The following ZNF385D variants were observed in gnomAD, a reference collection of about 807,000 sequenced individuals.
The protein encoded by ZNF385D is zinc finger protein 659.
Under a neutral mutation model 35.8 loss-of-function variants are expected in ZNF385D, and 15 were observed. That is an observed-to-expected ratio of 0.42 (90% CI 0.28 to 0.64). The LOEUF (loss-of-function observed/expected upper bound fraction) is 0.64, where lower values mean the gene tolerates loss of function less well. Ranked by LOEUF, ZNF385D falls within the 30% of genes least tolerant of loss-of-function variation. The pLI is 0.23. For missense variants in ZNF385D, 474 were observed against 494.6 expected (o/e 0.96, Z 0.39); for synonymous variants, 212 against 186.8 (o/e 1.13, Z -1.10).
chr3:22,270,616 T>G (rs1045930709), intron 2 of ZNF385D, among the ~76,000 whole-genome samples: 1 of 151,974 alleles, frequency 6.6e-6, no homozygotes, highest in Non-Finnish European at 1.5e-5. Context: ...GTTGCTATGT[T>G]GTAAGAAAGC....
At chr3:21,855,891 G>C (rs567075501) in intron 3 of ZNF385D, among the ~76,000 whole-genome samples, 1 of 151,782 alleles carries the variant, frequency 6.6e-6, no homozygotes, top group South Asian at 2.1e-4. Context: ...TTTACATCTT[G>C]CTGAGGTTTT....
At chr3:21,622,649 G>A (rs1353860520) in intron 2 of ZNF385D, among the ~76,000 whole-genome samples, 1 of 152,030 alleles carries the variant, frequency 6.6e-6, no homozygotes, top group East Asian at 1.9e-4. Flanking sequence ...CTAATTCTCT[G>A]TATTGAATTC....
Position 21,951,040 on chromosome 3 carries a change from G to A in ZNF385D, c.325+217777C>T, listed in dbSNP as rs541530941. Among the ~76,000 whole-genome samples the A allele has an allele frequency of 8.6e-5, 13 of 151,658 alleles. 1 individual carries two copies. In the East Asian group the frequency reaches 2.5e-3, roughly 29 times the overall value. On this transcript the variant is annotated intron_variant, in intron 3 of 5. Transcript: ENST00000494108. ...TCTTGCCTATATGGGCTCTTTTTTG[G>A]TTCTCATTAAACTTAAAGTAGTTTT...
Position 21,982,708 on chromosome 3 carries a change from T to C in ZNF385D, c.325+186109A>G, listed in dbSNP as rs114544817. Among the ~76,000 whole-genome samples the C allele has an allele frequency of 5.1e-3, 774 of 152,272 alleles. 5 individuals are homozygous for C. The highest frequency in any genetic ancestry group is 0.022 in the South Asian group (108 of 4,824). On this transcript the variant is annotated intron_variant, in intron 3 of 5. Transcript: ENST00000494108. ...TAGCTTTTGCCTATTCAGTATAACA[T>C]TGACTGTGGATTTGTCATAGATGGC...
At chr3:22,177,955 G>A (rs1694949499) in intron 2 of ZNF385D, among the ~76,000 whole-genome samples, 1 of 152,148 alleles carries the variant, frequency 6.6e-6, no homozygotes, top group African/African-American at 2.4e-5. Flanking sequence ...TGGTGTATAT[G>A]TGCCACATTT....
intron 3 of ZNF385D, among the ~76,000 whole-genome samples, chr3:22,059,011 T>G (rs1187331478): frequency 1.3e-5 from 2 of 152,158 alleles, no homozygotes; most frequent in Non-Finnish European, 2.9e-5. Flanking sequence ...AACCTCCTAC[T>G]AGGTCTGATT....
At chr3:22,020,007 C>G in intron 3 of ZNF385D, among the ~76,000 whole-genome samples, 1 of 151,728 alleles carries the variant, frequency 6.6e-6, no homozygotes, top group Non-Finnish European at 1.5e-5. Context: ...TGCATAAATG[C>G]TTTGTTTTAA....
At chr3:22,084,051 CAG>C (rs1183930515) in intron 3 of ZNF385D, among the ~76,000 whole-genome samples, 4 of 152,164 alleles carry the variant, frequency 2.6e-5, no homozygotes, top group Non-Finnish European at 4.4e-5. Flanking sequence ...TTGTCACCAC[CAG>C]GCCTGTCTTA....
At chr3:22,012,702 G>A (rs955707167) in intron 3 of ZNF385D, among the ~76,000 whole-genome samples, 3 of 152,080 alleles carry the variant, frequency 2.0e-5, no homozygotes, top group Non-Finnish European at 4.4e-5. Flanking sequence ...CTAGTCTTGG[G>A]AAACTTCATG....
chr3:22,031,847 C>T (rs927712703), intron 3 of ZNF385D, among the ~76,000 whole-genome samples: 1 of 152,158 alleles, frequency 6.6e-6, no homozygotes, highest in African/African-American at 2.4e-5. Context: ...ACATAAGTTC[C>T]AATTTCAAAC....
At chr3:21,670,329 A>C (rs2066527654) in intron 1 of ZNF385D, among the ~76,000 whole-genome samples, 1 of 151,874 alleles carries the variant, frequency 6.6e-6, no homozygotes, top group Non-Finnish European at 1.5e-5. Flanking sequence ...GTTTTTCAAT[A>C]ATAAGCTATG....
At chr3:22,100,999 G>A (rs1412455031) in intron 3 of ZNF385D, among the ~76,000 whole-genome samples, 1 of 151,950 alleles carries the variant, frequency 6.6e-6, no homozygotes, top group Admixed American at 6.6e-5. Context: ...TGCAATACAT[G>A]CGCCTGTTAT....
At chr3:22,085,740 A>C (rs953406268) in intron 3 of ZNF385D, among the ~76,000 whole-genome samples, 1 of 152,214 alleles carries the variant, frequency 6.6e-6, no homozygotes, top group Non-Finnish European at 1.5e-5. Context: ...AACATGGCAG[A>C]GACACAATAA....
At chr3:21,815,297 A>AT (rs1283411650) in intron 3 of ZNF385D, among the ~76,000 whole-genome samples, 1 of 152,198 alleles carries the variant, frequency 6.6e-6, no homozygotes, top group Non-Finnish European at 1.5e-5. Context: ...GAGCAAACAG[A>AT]TTCAAAAGCT....
intron 3 of ZNF385D, among the ~76,000 whole-genome samples, chr3:22,100,738 A>C (rs1240292666): frequency 6.6e-6 from 1 of 151,686 alleles, no homozygotes; most frequent in Non-Finnish European, 1.5e-5. Flanking sequence ...ATGCTAGATG[A>C]CGAGTTAGTG....
At chr3:22,113,624 C>T (rs372182402) in intron 3 of ZNF385D, among the ~76,000 whole-genome samples, 6 of 152,010 alleles carry the variant, frequency 3.9e-5, no homozygotes, top group East Asian at 3.9e-4. Context: ...GCACAGCAAC[C>T]GGGAAACCAC....
chr3:22,212,584 C>A (rs1697595306), intron 2 of ZNF385D, among the ~76,000 whole-genome samples: 1 of 151,888 alleles, frequency 6.6e-6, no homozygotes, highest in South Asian at 2.1e-4. Flanking sequence ...ACAAATCAAG[C>A]TTAATGTGTT....
At chr3:21,803,558 T>G (rs985916317) in intron 3 of ZNF385D, among the ~76,000 whole-genome samples, 20 of 152,280 alleles carry the variant, frequency 1.3e-4, no homozygotes, top group African/African-American at 4.8e-4. Flanking sequence ...AAAAATATAT[T>G]TTCTTTAAAA....
chr3:21,975,587 G>A (rs1173614539), intron 3 of ZNF385D, among the ~76,000 whole-genome samples: 3 of 151,682 alleles, frequency 2.0e-5, no homozygotes, highest in Non-Finnish European at 2.9e-5. Context: ...AATGTTTGAG[G>A]GAATGGATAC....
Sources: allele counts gnomAD v4.1 joint callset (sites outside exome capture counted in the v4.1 genomes callset), GRCh38; gene constraint gnomAD v4.1.1; transcripts MANE v1.5; gene names NCBI Gene and HGNC (gene_info 2026-07-23, HGNC 2026-07-21).